SYNE2: variants seen among roughly 807,000 people sequenced by gnomAD.
SYNE2 encodes spectrin repeat containing nuclear envelope protein 2, also known as nesprin-2.
A neutral mutation model predicts 856.3 loss-of-function variants in SYNE2; 431 were observed. That is an observed-to-expected ratio of 0.50 (90% CI 0.47 to 0.55). The LOEUF (loss-of-function observed/expected upper bound fraction) is 0.55. Ranked by LOEUF, SYNE2 falls within the 20% of genes least tolerant of loss-of-function variation. SYNE2 has a pLI of 0.00. For synonymous variants in SYNE2, 2,923 were observed against 2,872.3 expected (o/e 1.02, Z -0.56); for missense variants, 8,129 against 8,023.2 (o/e 1.01, Z -0.50).
intron 50 of SYNE2, among the ~76,000 whole-genome samples, chr14:64,063,828 C>A (rs7142665): frequency 0.041 from 6,210 of 152,188 alleles, 438 homozygotes; most frequent in African/African-American, 0.14. Context: ...GTACAGTAGT[C>A]CCCCTTTATC....
At chr14:63,890,395 A>G (rs2095104353) in intron 1 of SYNE2, among the ~76,000 whole-genome samples, 1 of 152,168 alleles carries the variant, frequency 6.6e-6, no homozygotes. Flanking sequence ...AATCAAACAA[A>G]GTAGGCCAGA....
chr14:64,005,042 C>CA (rs1203001419), intron 30 of SYNE2, among the ~76,000 whole-genome samples: 1 of 152,102 alleles, frequency 6.6e-6, no homozygotes, highest in Non-Finnish European at 1.5e-5. Flanking sequence ...GCAGAGGCAG[C>CA]AGTAGGTACA....
chr14:63,814,986 A>G (rs1413413536), intron 1 of SYNE2, among the ~76,000 whole-genome samples: 1 of 130,112 alleles, frequency 7.7e-6, no homozygotes, highest in Non-Finnish European at 1.6e-5. Context: ...ATATATATCC[A>G]TATATACATC....
intron 90 of SYNE2, among the ~76,000 whole-genome samples, chr14:64,165,884 A>G (rs1410178344): frequency 6.6e-6 from 1 of 152,192 alleles, no homozygotes; most frequent in Admixed American, 6.5e-5. Context: ...GCCTAGAAAA[A>G]GTAGGATGAC....
intron 78 of SYNE2, among the ~76,000 whole-genome samples, chr14:64,136,265 G>C (rs2098087596): frequency 6.9e-6 from 1 of 145,548 alleles, no homozygotes; most frequent in African/African-American, 2.7e-5. Flanking sequence ...ACTCCAGCCT[G>C]GGTGACAGAG....
intron 87 of SYNE2, among the ~76,000 whole-genome samples, chr14:64,160,271 G>A (rs182676351): frequency 6.7e-4 from 102 of 152,300 alleles, no homozygotes; most frequent in South Asian, 1.2e-3. Context: ...CAGTCTGTTG[G>A]TAAAGGAACT....
intron 99 of SYNE2, among the ~76,000 whole-genome samples, chr14:64,201,896 A>G (rs148437875): frequency 6.6e-6 from 1 of 152,360 alleles, no homozygotes; most frequent in Non-Finnish European, 1.5e-5. Context: ...ACAGAACGCC[A>G]GGACAGATCC....
intron 1 of SYNE2, among the ~76,000 whole-genome samples, chr14:63,854,918 G>C (rs1891350480): frequency 6.6e-6 from 1 of 152,106 alleles, no homozygotes; most frequent in Non-Finnish European, 1.5e-5. Context: ...GGGAACGGGT[G>C]AAAAGCAATT....
chr14:64,192,909 G>A (rs2098524803), intron 99 of SYNE2, among the ~76,000 whole-genome samples: 1 of 152,208 alleles, frequency 6.6e-6, no homozygotes, highest in African/African-American at 2.4e-5. Context: ...CAAGGGCCAG[G>A]CTGAGACAGA....
intron 1 of SYNE2, among the ~76,000 whole-genome samples, chr14:63,778,478 T>C (rs1326579333): frequency 6.6e-6 from 1 of 152,156 alleles, no homozygotes; most frequent in African/African-American, 2.4e-5. Context: ...ACCATCAATA[T>C]ATACAACTTT....
intron 90 of SYNE2, 64 bp downstream of exon 90, chr14:64,165,474 G>T: frequency 6.4e-7 from 1 of 1,552,260 alleles, no homozygotes; most frequent in South Asian, 1.1e-5. Flanking sequence ...AAAATAAGCT[G>T]ATTACTGTGA....
Position 64,089,556 on chromosome 14 carries a change from GTTC to G in SYNE2, c.11671-13_11671-11del, listed in dbSNP as rs764004465. The G allele has an allele frequency of 9.3e-6, 15 of 1,604,374 alleles. No individual in the cohort carries two copies. The highest frequency in any genetic ancestry group is 8.8e-5 in the South Asian group (8 of 90,740). Reference sequence around the variant, plus strand: ...TATACAATATATATTGCATCAGTGTGTTCTTCTGAAATTCTAGGATGTGGTTGC... The same window carrying G: ...TATACAATATATATTGCATCAGTGTGTTCTGAAATTCTAGGATGTGGTTGC... On this transcript the variant is annotated splice_polypyrimidine_tract_variant and intron_variant, in intron 58 of 115. Transcript: ENST00000555002.
At chr14:64,124,459 T>A (rs7140578) in intron 70 of SYNE2, among the ~76,000 whole-genome samples, 38,316 of 150,000 alleles carry the variant, frequency 0.26, 7,953 homozygotes, top group African/African-American at 0.58. Context: ...TCCTGGCCTC[T>A]AGGAATCCTC....
intron 1 of SYNE2, among the ~76,000 whole-genome samples, chr14:63,889,216 A>C (rs183461212): frequency 1.3e-5 from 2 of 151,904 alleles, no homozygotes; most frequent in East Asian, 3.9e-4. Context: ...TTATTATAGT[A>C]CAAAAATCCT....
At chr14:63,856,386 T>G in intron 1 of SYNE2, among the ~76,000 whole-genome samples, 1 of 152,124 alleles carries the variant, frequency 6.6e-6, no homozygotes, top group Non-Finnish European at 1.5e-5. Flanking sequence ...ATCTGACCAC[T>G]ATGTCAAAAT....
chr14:64,089,337 G>C (rs1307018755), intron 58 of SYNE2, among the ~76,000 whole-genome samples: 1 of 116,718 alleles, frequency 8.6e-6, no homozygotes, highest in Admixed American at 1.3e-4. Flanking sequence ...TTGCACTCCA[G>C]CCTGGGCAAC....
chr14:63,945,836 C>T (rs1220910284), intron 6 of SYNE2, among the ~76,000 whole-genome samples: 2 of 152,118 alleles, frequency 1.3e-5, no homozygotes, highest in African/African-American at 2.4e-5. Flanking sequence ...GTTGGCCAGG[C>T]TGGTCAAGCT....
At chr14:63,846,244 C>T in intron 1 of SYNE2, among the ~76,000 whole-genome samples, 1 of 151,828 alleles carries the variant, frequency 6.6e-6, no homozygotes, top group East Asian at 1.9e-4. Flanking sequence ...GACAGGGGCT[C>T]ACCATGTTGC....
At chr14:64,104,884 C>T (rs1401395830) in intron 64 of SYNE2, among the ~76,000 whole-genome samples, 2 of 152,198 alleles carry the variant, frequency 1.3e-5, no homozygotes, top group Non-Finnish European at 2.9e-5. Flanking sequence ...TTTCTATCCT[C>T]GTGATAGACT....
Sources: allele counts gnomAD v4.1 joint callset (sites outside exome capture counted in the v4.1 genomes callset), GRCh38; gene constraint gnomAD v4.1.1; transcripts MANE v1.5; gene names NCBI Gene and HGNC (gene_info 2026-07-23, HGNC 2026-07-21).